The following CPVL variants were observed in gnomAD, a reference collection of about 807,000 sequenced individuals.
CPVL encodes the protein carboxypeptidase vitellogenic like.
CPVL carries 51 observed loss-of-function variants against 63.7 expected under a neutral mutation model. That is an observed-to-expected ratio of 0.80 (90% confidence interval 0.64 to 1.01). CPVL has a LOEUF of 1.01. Among genes scored for constraint, CPVL ranks in the 50% least tolerant of loss-of-function variants. The probability of loss-of-function intolerance (pLI) is 0.00; values close to 1 mark genes in which losing one functional copy is unlikely to be tolerated. For synonymous variants in CPVL, 195 were observed against 206.0 expected (o/e 0.95, Z 0.46); for missense variants, 530 against 573.1 (o/e 0.92, Z 0.77).
intron 12 of CPVL, among the ~76,000 whole-genome samples, chr7:29,002,332 A>C (rs182195820): frequency 2.4e-4 from 36 of 152,366 alleles, no homozygotes; most frequent in African/African-American, 8.4e-4. Context: ...GAAACAGGTT[A>C]GTCCTCACAA....
intron 1 of CPVL, among the ~76,000 whole-genome samples, chr7:29,134,498 A>C (rs572743980): frequency 1.3e-5 from 2 of 152,370 alleles, no homozygotes; most frequent in African/African-American, 4.8e-5. Flanking sequence ...CTCACAAGAA[A>C]TAGCAATGTA....
intron 5 of CPVL, among the ~76,000 whole-genome samples, chr7:29,174,956 A>G (rs1430470667): frequency 6.6e-6 from 1 of 152,154 alleles, no homozygotes; most frequent in Non-Finnish European, 1.5e-5. Flanking sequence ...AATGAAAAAT[A>G]TAAAAATTGT....
At chr7:29,073,378 T>G (rs935647457) in intron 7 of CPVL, among the ~76,000 whole-genome samples, 2 of 152,238 alleles carry the variant, frequency 1.3e-5, no homozygotes, top group African/African-American at 4.8e-5. Flanking sequence ...ATCTCTGGCC[T>G]GGATGACTGC....
chr7:29,188,800 C>T (rs1021051770), intron 1 of CPVL, among the ~76,000 whole-genome samples: 2 of 152,050 alleles, frequency 1.3e-5, no homozygotes, highest in African/African-American at 4.8e-5. Context: ...AAGTCGTCAC[C>T]GGCATGGATA....
intron 1 of CPVL, among the ~76,000 whole-genome samples, chr7:29,141,720 T>A (rs1791903269): frequency 6.6e-6 from 1 of 151,734 alleles, no homozygotes; most frequent in South Asian, 2.1e-4. Context: ...ATGGAGACCA[T>A]CCTGGCCAAC....
intron 1 of CPVL, chr7:29,194,786 A>C: frequency 1.9e-6 from 1 of 522,350 alleles, no homozygotes; most frequent in Non-Finnish European, 3.1e-6. Flanking sequence ...GTGGAGCAGG[A>C]AGTGCAGGCA....
At chr7:29,082,871 C>T (rs1368607843) in intron 7 of CPVL, among the ~76,000 whole-genome samples, 1 of 152,226 alleles carries the variant, frequency 6.6e-6, no homozygotes, top group Non-Finnish European at 1.5e-5. Context: ...TGGTTAACAA[C>T]ATCACCACAT....
At chr7:29,126,345 C>T (rs536085075) in intron 1 of CPVL, 2 of 152,150 alleles carry the variant, frequency 1.3e-5, no homozygotes, top group Non-Finnish European at 2.9e-5. Flanking sequence ...AATTGTTAAA[C>T]ATTTACCTGC....
chr7:29,006,142 G>A (rs1045834721), intron 12 of CPVL, among the ~76,000 whole-genome samples: 1 of 152,186 alleles, frequency 6.6e-6, no homozygotes, highest in African/African-American at 2.4e-5. Flanking sequence ...AACCAACTGT[G>A]CACATTGCTG....
At chr7:29,144,965 T>C (rs949132561) in intron 1 of CPVL, among the ~76,000 whole-genome samples, 1 of 151,674 alleles carries the variant, frequency 6.6e-6, no homozygotes, top group East Asian at 1.9e-4. Context: ...CAAACAATCA[T>C]CTCCTATAAA....
chr7:29,185,771 A>G (rs1434139242), intron 2 of CPVL, among the ~76,000 whole-genome samples: 3 of 152,160 alleles, frequency 2.0e-5, no homozygotes, highest in African/African-American at 2.4e-5. Flanking sequence ...TTATTATTCA[A>G]AATTATTCAC....
Position 29,033,917 on chromosome 7 carries a change from A to T in CPVL, c.1138-3158T>A, listed in dbSNP as rs1249784123. 2.0e-5 allele frequency among the ~76,000 whole-genome samples: 3 copies of T among 152,176 alleles called. No individual in the cohort carries two copies. In the South Asian group the frequency reaches 6.2e-4, roughly 32 times the overall value. The stretch of plus-strand genomic sequence containing the variant: ...GTCACAGAAAAATGCTTATCTTATG[A>T]AAAAAATCAATGAAAAACTGAGACT... On this transcript the variant is annotated intron_variant, in intron 11 of 12. Transcript: ENST00000265394.
rs1359785167 is a variant in CPVL at position 29,134,321 on chromosome 7, A to T, written c.-11+12108T>A. Reference sequence around the variant, plus strand: ...TGAAGCATGTTGAATCCACCAATCAACTGCAGGGAGCCAGTGAACTGCTGA... The same window carrying T: ...TGAAGCATGTTGAATCCACCAATCATCTGCAGGGAGCCAGTGAACTGCTGA... On this transcript the variant is annotated intron_variant, in intron 1 of 12. Coordinates refer to ENST00000265394, the MANE Select transcript of CPVL (RefSeq NM_031311.5). Among the ~76,000 whole-genome samples the T allele has an allele frequency of 2.0e-5, 3 of 152,110 alleles. No individual in the cohort carries two copies. The South Asian group carries it at 6.2e-4, about 31-fold the overall frequency.
At chr7:29,041,784 TACAC>T (rs961273739) in intron 11 of CPVL, among the ~76,000 whole-genome samples, 28 of 152,152 alleles carry the variant, frequency 1.8e-4, no homozygotes, top group Admixed American at 1.6e-3. Flanking sequence ...GCATCTAAGA[TACAC>T]ACAGGATTCT....
intron 1 of CPVL, among the ~76,000 whole-genome samples, chr7:29,121,438 T>G (rs545497536): frequency 6.6e-6 from 1 of 152,034 alleles, no homozygotes; most frequent in African/African-American, 2.4e-5. Flanking sequence ...AGTGCTGGGA[T>G]TATAGGAGTG....
In CPVL at chr7:29,030,710, G is replaced by C. The variant is rs945652017; in HGVS notation, c.1187C>G (p.Thr396Arg). The C allele has an allele frequency of 3.1e-6, 5 of 1,612,964 alleles. No individual in the cohort carries two copies. Among genetic ancestry groups the C allele is most frequent in the Non-Finnish European group, 4.2e-6 (5 of 1,179,614 alleles). The change falls in exon 12 of 13, where the codon ACA (threonine) becomes AGA (arginine). Residue 396 changes from threonine (T) to arginine (R), a missense_variant. Thr to Arg is a moderately conservative substitution (Grantham distance 71, BLOSUM62 -1). Transcript: ENST00000265394. Reference sequence around the variant, plus strand: ...GTCCATGCCCATCAAGGAGCGCTCTGTCAGGGCAGCTGCCACGATGATGTC... The same window carrying C: ...GTCCATGCCCATCAAGGAGCGCTCTCTCAGGGCAGCTGCCACGATGATGTC... ...QLDIIVAAAL[T>R]ERSLMGMDWK...
chr7:29,036,002 T>C (rs1788488816), intron 11 of CPVL, among the ~76,000 whole-genome samples: 1 of 152,242 alleles, frequency 6.6e-6, no homozygotes, highest in South Asian at 2.1e-4. Flanking sequence ...CCTAGATCCC[T>C]AGAATTTTCC....
chr7:29,166,620 T>C (rs1304303086), intron 5 of CPVL, among the ~76,000 whole-genome samples: 2 of 152,152 alleles, frequency 1.3e-5, no homozygotes, highest in African/African-American at 4.8e-5. Flanking sequence ...AATTTGTCCA[T>C]TTTATCTAAG....
chr7:29,183,749 T>C (rs1305929463), intron 4 of CPVL, among the ~76,000 whole-genome samples: 2 of 152,142 alleles, frequency 1.3e-5, no homozygotes, highest in Non-Finnish European at 2.9e-5. Flanking sequence ...ATATAGAAGA[T>C]ATATGTATAG....
Sources: gnomAD v4.1 joint callset for allele counts (sites outside exome capture counted in the v4.1 genomes callset) on GRCh38, gnomAD v4.1.1 for gene constraint, MANE v1.5 for transcripts, NCBI Gene and HGNC (gene_info 2026-07-23, HGNC 2026-07-21) for gene names.